KANSL1: variants seen among roughly 807,000 people sequenced by gnomAD.
The protein encoded by KANSL1 is KAT8 regulatory NSL complex subunit 1.
A neutral mutation model predicts 103.6 loss-of-function variants in KANSL1; 22 were observed. The observed-to-expected ratio is 0.21, with a 90% CI of 0.15 to 0.30. The LOEUF is 0.30. KANSL1 is among the 10% of genes least tolerant of loss of function. The pLI is 1.00. For synonymous variants in KANSL1, 600 were observed against 527.6 expected (o/e 1.14, Z -1.88); for missense variants, 1,337 against 1,399.8 (o/e 0.96, Z 0.72).
rs2077067703 is a variant in KANSL1, at chr17:46,033,494, C to T, written c.2667-34G>A. The T allele has an allele frequency of 5.6e-6, 9 of 1,600,594 alleles. 1 individual carries two copies. In the Middle Eastern group the frequency reaches 6.6e-4, roughly 118 times the overall value. On this transcript the variant is annotated intron_variant, in intron 11 of 14. Coordinates refer to ENST00000432791, the MANE Select transcript of KANSL1 (RefSeq NM_015443.4). ...CCAAGAACAGACAATCATGAGATGG[C>T]AAGCAGGCTAAAACTGGGGGCAGGG... is the stretch of plus-strand genomic sequence containing the variant.
intron 2 of KANSL1, among the ~76,000 whole-genome samples, chr17:46,148,435 C>A (rs191496038): frequency 4.6e-5 from 7 of 152,294 alleles, no homozygotes; most frequent in Admixed American, 1.3e-4. Context: ...ACAAGGGTAA[C>A]CTATCATTTA....
At chr17:46,091,876 T>C (rs1480512111) in intron 3 of KANSL1, among the ~76,000 whole-genome samples, 1 of 144,202 alleles carries the variant, frequency 6.9e-6, no homozygotes, top group Non-Finnish European at 1.6e-5. Context: ...TGGAGTGCAG[T>C]GTCGCGATCT....
intron 1 of KANSL1, among the ~76,000 whole-genome samples, chr17:46,219,928 T>A (rs1311758583): frequency 6.6e-6 from 1 of 151,902 alleles, no homozygotes; most frequent in Non-Finnish European, 1.5e-5. Flanking sequence ...ACGGTGAAAC[T>A]CCGTCTCTAC....
At chr17:46,213,477 T>C (rs1232306328) in intron 1 of KANSL1, among the ~76,000 whole-genome samples, 2 of 151,206 alleles carry the variant, frequency 1.3e-5, no homozygotes, top group African/African-American at 4.9e-5. Flanking sequence ...ATTTTTTTTT[T>C]TTTTTTTTTT....
intron 1 of KANSL1, among the ~76,000 whole-genome samples, chr17:46,174,531 T>C (rs2046430640): frequency 6.6e-6 from 1 of 152,258 alleles, no homozygotes; most frequent in Non-Finnish European, 1.5e-5. Flanking sequence ...CTTGTGACGA[T>C]ATTAATGAAC....
At chr17:46,084,324 A>G (rs1458166491) in intron 3 of KANSL1, among the ~76,000 whole-genome samples, 1 of 151,718 alleles carries the variant, frequency 6.6e-6, no homozygotes, top group East Asian at 1.9e-4. Context: ...AGAGGTTGCA[A>G]TGAGCCAAGA....
intron 6 of KANSL1, among the ~76,000 whole-genome samples, chr17:46,059,622 T>C (rs1191833960): frequency 1.3e-5 from 1 of 78,722 alleles, no homozygotes; most frequent in East Asian, 3.5e-4. Flanking sequence ...GGCGAGGCTC[T>C]GACTCCAAAA....
intron 1 of KANSL1, among the ~76,000 whole-genome samples, chr17:46,213,032 T>C (rs928607595): frequency 3.9e-5 from 6 of 152,228 alleles, no homozygotes. Flanking sequence ...CGACAAACTT[T>C]CTGTGGAAAA....
At chr17:46,166,213 C>CA (rs147552413) in intron 2 of KANSL1, among the ~76,000 whole-genome samples, 34,289 of 95,062 alleles carry the variant, frequency 0.36, 4,899 homozygotes, top group East Asian at 0.52. Context: ...GACTCTGTCT[C>CA]AAAAAAAAAA....
chr17:46,142,078 C>T (rs1032180259), intron 2 of KANSL1, among the ~76,000 whole-genome samples: 1 of 151,980 alleles, frequency 6.6e-6, no homozygotes, highest in Non-Finnish European at 1.5e-5. Context: ...TTAGTAGAGC[C>T]AAGGTTTCAC....
chr17:46,052,963 C>CAAAAAAAAAAAAA (rs2077769956), intron 6 of KANSL1, among the ~76,000 whole-genome samples: 2 of 43,162 alleles, frequency 4.6e-5, no homozygotes, highest in African/African-American at 2.0e-4. Flanking sequence ...GATCCTGTCT[C>CAAAAAAAAAAAAA]CAAAAAAAAA....
chr17:46,183,398 C>T (rs2046876563), intron 1 of KANSL1, among the ~76,000 whole-genome samples: 1 of 150,858 alleles, frequency 6.6e-6, no homozygotes, highest in African/African-American at 2.4e-5. Context: ...GCCTAGACAA[C>T]ACACTGAGAC....
At position 46,187,522 on chromosome 17, in the gene KANSL1, A is replaced by G. The variant is rs917151145; in HGVS notation, c.-90+5301T>C. Among the ~76,000 whole-genome samples the G allele has an allele frequency of 3.3e-5, 5 of 152,240 alleles. No homozygotes were observed. In the South Asian group the frequency reaches 6.2e-4, roughly 19 times the overall value. On this transcript the variant is annotated intron_variant, in intron 1 of 14. Transcript: ENST00000432791. ...TCCACTTTGCATTTCCTGACCCTCA[A>G]AATCTTGGAAAGAAACTTTAATTCT...
chr17:46,035,573 A>G (rs1425727374), intron 10 of KANSL1: 2 of 152,212 alleles, frequency 1.3e-5, no homozygotes, highest in Non-Finnish European at 2.9e-5. Flanking sequence ...CAAAATGGTT[A>G]AACAGACTTT....
At chr17:46,054,975 C>T (rs866881756) in intron 6 of KANSL1, among the ~76,000 whole-genome samples, 17 of 151,524 alleles carry the variant, frequency 1.1e-4, no homozygotes, top group African/African-American at 3.4e-4. Context: ...CTCAGCCTCC[C>T]GAGTAGCTGG....
intron 2 of KANSL1, among the ~76,000 whole-genome samples, chr17:46,149,549 T>C (rs1208346366): frequency 1.3e-5 from 2 of 152,244 alleles, no homozygotes; most frequent in Non-Finnish European, 1.5e-5. Flanking sequence ...ACAGACAATA[T>C]TCAAGTGAAT....
At chr17:46,188,571 C>A (rs1344594613) in intron 1 of KANSL1, among the ~76,000 whole-genome samples, 1 of 152,144 alleles carries the variant, frequency 6.6e-6, no homozygotes, top group Non-Finnish European at 1.5e-5. Context: ...GTGTCTGGGG[C>A]CATTTTACTT....
rs2042226922 is a variant in KANSL1, at chr17:46,099,604, T to C, written c.1290-4903A>G. Among the ~76,000 whole-genome samples, 2 of 152,174 alleles carry C rather than the reference T, an allele frequency of 1.3e-5. 1 individual carries two copies. Among genetic ancestry groups the C allele is most frequent in the African/African-American group, 4.8e-5 (2 of 41,430 alleles). On this transcript the variant is annotated intron_variant, in intron 2 of 14. Coordinates refer to ENST00000432791, the MANE Select transcript of KANSL1 (RefSeq NM_015443.4). The stretch of plus-strand genomic sequence containing the variant: ...TAGTCATTATCAATAATGAAGAAAA[T>C]CACGTGGATTCTAACACTGATGAGT...
At chr17:46,111,650 C>A (rs538399800) in intron 2 of KANSL1, among the ~76,000 whole-genome samples, 1 of 152,192 alleles carries the variant, frequency 6.6e-6, no homozygotes, top group Non-Finnish European at 1.5e-5. Context: ...ACATATACAT[C>A]CAAGTATACA....
Sources: gnomAD v4.1 joint callset for allele counts (sites outside exome capture counted in the v4.1 genomes callset) on GRCh38, gnomAD v4.1.1 for gene constraint, MANE v1.5 for transcripts, NCBI Gene and HGNC (gene_info 2026-07-23, HGNC 2026-07-21) for gene names.